The following SOX5 variants were observed in gnomAD, a reference collection of about 807,000 sequenced individuals.
SOX5 encodes the protein SRY-box transcription factor 5.
In SOX5, 9 loss-of-function variants were observed where a neutral mutation model predicts 92.0. That is an observed-to-expected ratio of 0.10 (90% CI 0.06 to 0.17). The LOEUF (loss-of-function observed/expected upper bound fraction) is 0.17. Ranked by LOEUF, SOX5 falls within the 10% of genes least tolerant of loss-of-function variation. The pLI, the probability that SOX5 is intolerant of heterozygous loss-of-function variation, is 1.00. For synonymous variants in SOX5, 344 were observed against 336.3 expected (o/e 1.02, Z -0.25); for missense variants, 642 against 944.5 (o/e 0.68, Z 4.20).
chr12:24,438,347 G>A (rs979217181), intron 1 of SOX5, among the ~76,000 whole-genome samples: 6 of 152,070 alleles, frequency 3.9e-5, no homozygotes, highest in Non-Finnish European at 8.8e-5. Context: ...GGGTTGATGG[G>A]TGCAGCAAAC....
At chr12:24,175,392 T>C (rs1954691673) in intron 4 of SOX5, among the ~76,000 whole-genome samples, 1 of 152,234 alleles carries the variant, frequency 6.6e-6, no homozygotes, top group South Asian at 2.1e-4. Flanking sequence ...ACAGTGTTTC[T>C]CTGGAAGCAG....
intron 2 of SOX5, among the ~76,000 whole-genome samples, chr12:24,342,675 T>C (rs1055579685): frequency 4.6e-5 from 7 of 152,198 alleles, no homozygotes; most frequent in Non-Finnish European, 1.0e-4. Context: ...TCTCTTCTTG[T>C]TTGGGCCACT....
chr12:23,729,215 G>A (rs1002795268), intron 6 of SOX5, among the ~76,000 whole-genome samples: 4 of 151,900 alleles, frequency 2.6e-5, no homozygotes, highest in African/African-American at 9.7e-5. Context: ...TGTTAGTTAG[G>A]TATTATATTT....
intron 1 of SOX5, among the ~76,000 whole-genome samples, chr12:24,405,718 G>C (rs561670142): frequency 2.6e-5 from 4 of 152,262 alleles, no homozygotes; most frequent in Admixed American, 6.5e-5. Context: ...GACAGATCGG[G>C]AGATTCAACT....
chr12:23,799,626 A>C (rs1018058222), intron 3 of SOX5, among the ~76,000 whole-genome samples: 2 of 152,040 alleles, frequency 1.3e-5, no homozygotes, highest in Non-Finnish European at 1.5e-5. Flanking sequence ...AATTCATGTT[A>C]ATGTCCATAC....
rs75084340 is a variant in SOX5 at position 24,394,152 on chromosome 12, T to G, written c.-250-25513A>C. 4.9e-3 allele frequency among the ~76,000 whole-genome samples: 751 copies of G among 152,210 alleles called. 10 individuals carry two copies. The highest frequency in any genetic ancestry group is 0.017 in the African/African-American group (708 of 41,506). ...TTTATCACACACAACAAGGGAAGCC[T>G]GCATTTCTCTTGGGCTAATCATGCC... On this transcript the variant is annotated intron_variant, in intron 1 of 4. Coordinates refer to the SOX5 transcript ENST00000446891.
chr12:24,056,849 C>A (rs1054312263), intron 4 of SOX5, among the ~76,000 whole-genome samples: 3 of 148,266 alleles, frequency 2.0e-5, no homozygotes, highest in African/African-American at 7.4e-5. Flanking sequence ...GTGGCGGGCG[C>A]CTGTAGTCCC....
intron 3 of SOX5, among the ~76,000 whole-genome samples, chr12:23,812,009 G>T (rs919647126): frequency 3.9e-5 from 6 of 151,970 alleles, no homozygotes; most frequent in African/African-American, 1.4e-4. Context: ...ATAGTAAGTA[G>T]TCACTGTAGT....
chr12:24,508,451 A>G (rs1949006406), intron 1 of SOX5, among the ~76,000 whole-genome samples: 1 of 152,144 alleles, frequency 6.6e-6, no homozygotes, highest in African/African-American at 2.4e-5. Flanking sequence ...CTCAAGAGGA[A>G]AGGCAAACTT....
intron 3 of SOX5, among the ~76,000 whole-genome samples, chr12:24,268,407 C>G (rs1482240352): frequency 2.0e-5 from 3 of 151,596 alleles, no homozygotes; most frequent in African/African-American, 7.3e-5. Flanking sequence ...TTGGTGAGAC[C>G]AAGCTGAAAG....
intron 7 of SOX5, among the ~76,000 whole-genome samples, chr12:23,657,987 T>C (rs1429368965): frequency 1.3e-5 from 2 of 151,816 alleles, no homozygotes; most frequent in Non-Finnish European, 2.9e-5. Flanking sequence ...AAAGAAAGAG[T>C]CTTTGCTTTT....
intron 4 of SOX5, among the ~76,000 whole-genome samples, chr12:24,031,258 T>C (rs928833606): frequency 1.3e-5 from 2 of 151,368 alleles, no homozygotes; most frequent in African/African-American, 4.9e-5. Context: ...TACACTCTCA[T>C]GTTTACTGTA....
chr12:24,088,038 C>T (rs891542379), intron 4 of SOX5, among the ~76,000 whole-genome samples: 1 of 152,014 alleles, frequency 6.6e-6, no homozygotes, highest in Non-Finnish European at 1.5e-5. Context: ...GAAGCACTTG[C>T]ATCCCCCAGG....
chr12:23,634,345 G>A (rs907756500), intron 8 of SOX5, among the ~76,000 whole-genome samples: 2 of 152,260 alleles, frequency 1.3e-5, no homozygotes, highest in African/African-American at 2.4e-5. Context: ...GAATAAAAGA[G>A]CTAGGAAGTG....
intron 4 of SOX5, 124 bp downstream of exon 4, chr12:23,755,513 AC>A: frequency 4.5e-6 from 3 of 661,020 alleles, no homozygotes; most frequent in Non-Finnish European, 5.1e-6. Context: ...GAAAGAAGAA[AC>A]CCTAAACACA....
intron 1 of SOX5, among the ~76,000 whole-genome samples, chr12:24,448,101 G>A (rs1332849838): frequency 1.3e-5 from 2 of 152,154 alleles, no homozygotes; most frequent in African/African-American, 4.8e-5. Context: ...AGAATTGCTT[G>A]AACCCGAGGG....
chr12:24,356,954 T>C (rs1183541776), intron 2 of SOX5, among the ~76,000 whole-genome samples: 1 of 152,184 alleles, frequency 6.6e-6, no homozygotes, highest in South Asian at 2.1e-4. Flanking sequence ...ATTAACCCTT[T>C]TGACAGATCC....
chr12:24,141,563 G>GAATC (rs1950585959), intron 4 of SOX5, among the ~76,000 whole-genome samples: 1 of 152,182 alleles, frequency 6.6e-6, no homozygotes, highest in African/African-American at 2.4e-5. Context: ...ACGGCTGGAA[G>GAATC]AATCCTTCAG....
chr12:24,132,344 AC>A (rs1251632555), intron 4 of SOX5, among the ~76,000 whole-genome samples: 1 of 152,180 alleles, frequency 6.6e-6, no homozygotes, highest in Non-Finnish European at 1.5e-5. Context: ...AGGATAACTA[AC>A]CTTTTGTTAA....
Sources: allele counts gnomAD v4.1 joint callset (sites outside exome capture counted in the v4.1 genomes callset), GRCh38; gene constraint gnomAD v4.1.1; transcripts MANE v1.5; gene names NCBI Gene and HGNC (gene_info 2026-07-23, HGNC 2026-07-21).